The following TBC1D5 variants were observed in gnomAD, a reference collection of about 807,000 sequenced individuals.
The protein encoded by TBC1D5 is TBC1 domain family, member 5.
A neutral mutation model predicts 100.3 loss-of-function variants in TBC1D5; 75 were observed. The observed-to-expected ratio is 0.75, with a 90% CI of 0.62 to 0.91. The LOEUF is 0.91. Among genes scored for constraint, TBC1D5 ranks in the 40% least tolerant of loss-of-function variants. The probability of loss-of-function intolerance (pLI) is 0.00; values close to 1 mark genes in which losing one functional copy is unlikely to be tolerated. For synonymous variants in TBC1D5, 323 were observed against 325.6 expected, an observed-to-expected ratio of 0.99 and a Z score of 0.09; for missense variants, 910 against 942.4, an observed-to-expected ratio of 0.97 and a Z score of 0.45.
In TBC1D5 at chr3:17,348,489, T is replaced by C. The variant is rs566513113; in HGVS notation, c.995+23586A>G. Among the ~76,000 whole-genome samples, 54 of 152,270 alleles carry C rather than the reference T, an allele frequency of 3.5e-4. No homozygotes were observed. In the Middle Eastern group the frequency reaches 0.01, roughly 29 times the overall value. On this transcript the variant is annotated intron_variant, in intron 13 of 21. Transcript: ENST00000253692. The stretch of plus-strand genomic sequence containing the variant: ...GGTCCTCGCACTACACTCTGAGTAG[T>C]AAGGGATGAAGAAATGCCTTTTAAA...
intron 2 of TBC1D5, among the ~76,000 whole-genome samples, chr3:17,548,964 G>C (rs961425900): frequency 1.3e-5 from 2 of 152,050 alleles, no homozygotes; most frequent in East Asian, 3.8e-4. Context: ...GTTAAACCTT[G>C]GTTATTAATT....
At chr3:17,675,129 A>G (rs2068456961) in intron 1 of TBC1D5, among the ~76,000 whole-genome samples, 1 of 152,126 alleles carries the variant, frequency 6.6e-6, no homozygotes, top group Admixed American at 6.5e-5. Context: ...AAGTAATTCT[A>G]TGCAACTTTA....
At chr3:17,630,605 T>A (rs2063408062) in intron 1 of TBC1D5, among the ~76,000 whole-genome samples, 1 of 152,146 alleles carries the variant, frequency 6.6e-6, no homozygotes, top group South Asian at 2.1e-4. Context: ...CCCTATTCCC[T>A]GAGATATGAC....
chr3:17,562,116 C>T (rs1440381975), intron 2 of TBC1D5: 2 of 151,696 alleles, frequency 1.3e-5, no homozygotes, highest in African/African-American at 4.8e-5. Context: ...TATATTCCAG[C>T]CTGGATGACA....
chr3:17,276,863 T>G (rs1378848022), intron 15 of TBC1D5, among the ~76,000 whole-genome samples: 1 of 152,152 alleles, frequency 6.6e-6, no homozygotes, highest in Non-Finnish European at 1.5e-5. Context: ...GCATCCCTGA[T>G]CATAAAACCT....
At chr3:17,445,742 A>G (rs2094775578) in intron 3 of TBC1D5, among the ~76,000 whole-genome samples, 1 of 152,222 alleles carries the variant, frequency 6.6e-6, no homozygotes, top group Non-Finnish European at 1.5e-5. Flanking sequence ...TATAAATTAA[A>G]CTTTATCATA....
chr3:17,741,800 A>ATTTTTTTTTTTT (rs779385615), upstream of TBC1D5, among the ~76,000 whole-genome samples: 1 of 47,954 alleles, frequency 2.1e-5, no homozygotes, highest in African/African-American at 9.5e-5. Context: ...CTCCCTGCGA[A>ATTTTTTTTTTTT]TTTTTTTTTT....
chr3:17,486,267 A>T (rs968896064), intron 3 of TBC1D5, among the ~76,000 whole-genome samples: 17 of 151,600 alleles, frequency 1.1e-4, no homozygotes, highest in Admixed American at 7.9e-4. Context: ...GGTTGCGAAA[A>T]TTTTCTCCCA....
At chr3:17,170,118 T>TG (rs1344052179) in intron 19 of TBC1D5, among the ~76,000 whole-genome samples, 1 of 152,146 alleles carries the variant, frequency 6.6e-6, no homozygotes, top group Admixed American at 6.5e-5. Context: ...TGGGAACCCC[T>TG]GTTTTAGAGG....
chr3:17,703,901 GTGTTT>G (rs1212804636), intron 1 of TBC1D5, among the ~76,000 whole-genome samples: 10 of 87,786 alleles, frequency 1.1e-4, no homozygotes, highest in African/African-American at 3.7e-4. Flanking sequence ...ATTGATATTT[GTGTTT>G]TTTTTTTGTT....
At chr3:17,658,659 G>A (rs2066341713) in intron 1 of TBC1D5, among the ~76,000 whole-genome samples, 1 of 152,116 alleles carries the variant, frequency 6.6e-6, no homozygotes, top group African/African-American at 2.4e-5. Flanking sequence ...ATCTGAGACA[G>A]TTATAGCTTT....
At chr3:17,405,124 G>T (rs576237650) in intron 5 of TBC1D5, among the ~76,000 whole-genome samples, 163 bp from the exon 6 acceptor site, 1 of 151,986 alleles carries the variant, frequency 6.6e-6, no homozygotes, top group Non-Finnish European at 1.5e-5. Flanking sequence ...AGATATTTAA[G>T]AAATATATAA....
intron 1 of TBC1D5, among the ~76,000 whole-genome samples, chr3:17,636,756 A>G (rs2063968824): frequency 6.6e-6 from 1 of 151,910 alleles, no homozygotes; most frequent in African/African-American, 2.4e-5. Context: ...AGCCGAGATC[A>G]TGCCACTGCA....
intron 3 of TBC1D5, among the ~76,000 whole-genome samples, chr3:17,436,004 T>TG (rs748974923): frequency 3.3e-5 from 5 of 152,050 alleles, no homozygotes; most frequent in Admixed American, 1.3e-4. Context: ...ATTTTTAGGG[T>TG]GGGGGTCTAT....
At chr3:17,546,783 C>CA (rs758349149) in intron 2 of TBC1D5, among the ~76,000 whole-genome samples, 1,439 of 69,936 alleles carry the variant, frequency 0.021, 5 homozygotes, top group Middle Eastern at 0.049. Context: ...GACTCCATCT[C>CA]AAAAAAAAAA....
exon 15 of TBC1D5, chr3:17,291,898 T>G: frequency 6.2e-7 from 1 of 1,612,750 alleles, no homozygotes; most frequent in African/African-American, 1.3e-5. Context: ...AGCTTACCTT[T>G]GGATCTCTAA....
chr3:17,487,393 T>C (rs567677188), intron 3 of TBC1D5, among the ~76,000 whole-genome samples: 1 of 152,158 alleles, frequency 6.6e-6, no homozygotes, highest in Non-Finnish European at 1.5e-5. Context: ...ATATTTCCAA[T>C]CCAAAATTAA....
chr3:17,700,021 A>G (rs1294796796), intron 1 of TBC1D5: 1 of 152,112 alleles, frequency 6.6e-6, no homozygotes, highest in East Asian at 1.9e-4. Context: ...GACTCAATAC[A>G]ATCAAGTTCC....
intron 1 of TBC1D5, among the ~76,000 whole-genome samples, chr3:17,674,637 A>G (rs1247706944): frequency 6.6e-6 from 1 of 152,144 alleles, no homozygotes; most frequent in Non-Finnish European, 1.5e-5. Flanking sequence ...CCTAGACAAC[A>G]TTTTTAAAGT....
Sources: gnomAD v4.1 joint callset for allele counts (sites outside exome capture counted in the v4.1 genomes callset) on GRCh38, gnomAD v4.1.1 for gene constraint, MANE v1.5 for transcripts, NCBI Gene and HGNC (gene_info 2026-07-23, HGNC 2026-07-21) for gene names.